Variants in ETNK2 observed in about 807,000 individuals in gnomAD.
ETNK2 encodes the protein ethanolamine kinase-like protein.
In ETNK2, 33 loss-of-function variants were observed where a neutral mutation model predicts 46.2. That is an observed-to-expected ratio of 0.71 (90% CI 0.54 to 0.96). The LOEUF (loss-of-function observed/expected upper bound fraction) is 0.96. ETNK2 is among the 40% of genes least tolerant of loss of function. The pLI is 0.00. For synonymous variants in ETNK2, 194 were observed against 209.0 expected, an observed-to-expected ratio of 0.93 and a Z score of 0.62; for missense variants, 445 against 509.7, an observed-to-expected ratio of 0.87 and a Z score of 1.22.
At chr1:204,141,073 G>T in intron 4 of ETNK2, 1 of 593,122 alleles carries the variant, frequency 1.7e-6, no homozygotes. Context: ...CAATCCACAT[G>T]CCTTGGCCTC....
At chr1:204,146,370 T>C in intron 3 of ETNK2, among the ~76,000 whole-genome samples, 1 of 152,010 alleles carries the variant, frequency 6.6e-6, no homozygotes, top group South Asian at 2.1e-4. Context: ...TGGGGAAATG[T>C]CCCCAACCCT....
intron 6 of ETNK2, among the ~76,000 whole-genome samples, chr1:204,135,860 CT>C (rs778447322): frequency 3.3e-5 from 5 of 152,218 alleles, no homozygotes; most frequent in Non-Finnish European, 5.9e-5. Context: ...GACTTGTCTT[CT>C]TACTTCTGCA....
chr1:204,143,411 A>G (rs1657640925), intron 3 of ETNK2, among the ~76,000 whole-genome samples: 1 of 151,224 alleles, frequency 6.6e-6, no homozygotes, highest in East Asian at 1.9e-4. Flanking sequence ...TGTGGGAACA[A>G]TCCCAGCCTT....
intron 5 of ETNK2, among the ~76,000 whole-genome samples, chr1:204,137,657 C>A (rs1409479124): frequency 6.6e-6 from 1 of 152,154 alleles, no homozygotes; most frequent in Non-Finnish European, 1.5e-5. Context: ...ACCTTGTTAG[C>A]CTTAAGGGAA....
At chr1:204,145,475 T>C (rs916473414) in intron 3 of ETNK2, among the ~76,000 whole-genome samples, 7 of 152,258 alleles carry the variant, frequency 4.6e-5, no homozygotes, top group Admixed American at 4.6e-4. Context: ...AAGGACCTGT[T>C]CTCTACAAAC....
At chr1:204,140,144 G>C in intron 4 of ETNK2, 26 bp from the exon 5 acceptor site, 1 of 1,598,140 alleles carries the variant, frequency 6.3e-7, no homozygotes, top group Non-Finnish European at 8.6e-7. Flanking sequence ...GAATCGATGA[G>C]AGTTGGCCCA....
chr1:204,132,721 C>T (rs1289467589), intron 7 of ETNK2, among the ~76,000 whole-genome samples: 1 of 151,566 alleles, frequency 6.6e-6, no homozygotes, highest in African/African-American at 2.4e-5. Flanking sequence ...GCATGAGCCA[C>T]CGTGCCCAGC....
Position 204,137,387 on chromosome 1 carries a change from G to A in ETNK2, c.869-138C>T, listed in dbSNP as rs537270954. 59 of 1,103,920 alleles carry A rather than the reference G, an allele frequency of 5.3e-5. 1 individual carries two copies. Among genetic ancestry groups the A allele is most frequent in the East Asian group, 7.9e-5 (3 of 37,872 alleles). The allele number at this position is 1,103,920 out of a possible 1,614,324, so 68.4% of individuals were successfully genotyped here. A position where few individuals can be genotyped will look rare whatever the true frequency, so the allele number is the denominator to read the frequency against. On this transcript the variant is annotated intron_variant, in intron 5 of 7. Coordinates refer to ENST00000367202, the MANE Select transcript of ETNK2 (RefSeq NM_018208.4). ...GGGGCTGTGCCCAAGGAGGCGGCCC[G>A]AGAAGGCAGCTTCTTTGATTACTAA...
intron 5 of ETNK2, among the ~76,000 whole-genome samples, chr1:204,137,913 A>G (rs1337253183): frequency 6.6e-6 from 1 of 152,020 alleles, no homozygotes; most frequent in East Asian, 1.9e-4. Context: ...GCCCAGTACC[A>G]CCAGCCTCAT....
intron 3 of ETNK2, among the ~76,000 whole-genome samples, chr1:204,145,778 C>T (rs577884631): frequency 2.6e-5 from 4 of 152,290 alleles, no homozygotes; most frequent in South Asian, 2.1e-4. Flanking sequence ...ATTTGGAACA[C>T]GGGTGATAGC....
At position 204,149,978 on chromosome 1, in the gene ETNK2, G is replaced by A; in HGVS notation, c.259-16C>T. 2 of 1,343,262 alleles carry A rather than the reference G, an allele frequency of 1.5e-6. No homozygotes were observed. Among genetic ancestry groups the A allele is most frequent in the East Asian group, 3.3e-5 (1 of 30,192 alleles). 83.2% of individuals were successfully genotyped at this position (1,343,262 alleles called of 1,614,324 possible). A position where few individuals can be genotyped will look rare whatever the true frequency, so the allele number is the denominator to read the frequency against. ...CCGTGAAGCGCTAGCATGGGGAGAG[G>A]ACAGTGCGTGGGTGGGTGGGTGGGG... On this transcript the variant is annotated splice_polypyrimidine_tract_variant and intron_variant, in intron 1 of 7. Transcript: ENST00000367202.
Position 204,151,882 on chromosome 1 carries a change from GGCA to G in ETNK2, c.-33_-31del. 1 of 1,416,556 alleles carries G rather than the reference GGCA, an allele frequency of 7.1e-7. No individual in the cohort carries two copies. Among genetic ancestry groups the G allele is most frequent in the Non-Finnish European group, 9.2e-7 (1 of 1,091,566 alleles). 87.7% of individuals were successfully genotyped at this position (1,416,556 alleles called of 1,614,324 possible). The stretch of plus-strand genomic sequence containing the variant: ...AGCAGCCCCACCCCCTCGGAGCCGC[GGCA>G]GACGCTAGCCCCGGCGGGGGGGTCC... On this transcript the variant is annotated 5_prime_UTR_variant, in exon 1 of 8. Transcript: ENST00000367202. The surrounding 1 kb of genome is among the most constrained non-coding windows in gnomAD (Gnocchi z 8.0).
chr1:204,139,306 T>G (rs1472685551), intron 5 of ETNK2, among the ~76,000 whole-genome samples: 1 of 152,192 alleles, frequency 6.6e-6, no homozygotes, highest in African/African-American at 2.4e-5. Context: ...TAAAGGAGCT[T>G]GGACAAAGGA....
rs771663723 is a variant in ETNK2, at chr1:204,131,844, C to T, written c.*340G>A. ...TCCCCAGGCCAGGAAGGGGTAAACA[C>T]ACATATAAGGCAGCCCCAATTCCAG... On this transcript the variant is annotated 3_prime_UTR_variant, in exon 8 of 8. Coordinates refer to ENST00000367202, the MANE Select transcript of ETNK2 (RefSeq NM_018208.4). This position sits in a 1 kb window ranked among gnomAD's most constrained non-coding sequence, Gnocchi z 4.3. 39 of 310,696 alleles carry T rather than the reference C, an allele frequency of 1.3e-4. No homozygotes were observed. The highest frequency in any genetic ancestry group is 2.9e-4 in the Admixed American group (7 of 24,506). 19.2% of individuals were successfully genotyped at this position (310,696 alleles called of 1,614,324 possible).
chr1:204,137,321 T>C (rs1657329419), intron 5 of ETNK2, 72 bp from the exon 6 acceptor site: 2 of 1,533,496 alleles, frequency 1.3e-6, no homozygotes, highest in Admixed American at 1.9e-5. Context: ...GCTCAGTAGG[T>C]GTTCCCATCT....
intron 2 of ETNK2, among the ~76,000 whole-genome samples, chr1:204,148,166 C>A (rs1265818759): frequency 1.3e-5 from 2 of 152,094 alleles, no homozygotes; most frequent in East Asian, 3.9e-4. Flanking sequence ...CACCTTCACC[C>A]AGAGGGATGA....
At chr1:204,138,497 G>C (rs944997736) in intron 5 of ETNK2, 1 of 152,476 alleles carries the variant, frequency 6.6e-6, no homozygotes, top group African/African-American at 2.4e-5. Context: ...GGCCCTGCCA[G>C]TGCCAGCCTC....
rs1489747127 is a variant in ETNK2, at chr1:204,141,370, C to A, written c.729G>T (p.Val243=). ...AGAGCAGGTCATTGTGACAAAACAC[C>A]ACAGGGGACTCCAGCTGGGACAGAT... ...KEHLSQLESP[V]VFCHNDLLCK... Residue 243 remains valine, a synonymous_variant, in exon 4 of 8, where the codon GTG becomes GTT. Transcript: ENST00000367202. The A allele has an allele frequency of 6.2e-7, 1 of 1,613,972 alleles. No individual in the cohort carries two copies. Among genetic ancestry groups the A allele is most frequent in the Non-Finnish European group, 8.5e-7 (1 of 1,179,888 alleles).
chr1:204,137,055 C>T (rs1423922416), intron 6 of ETNK2, 49 bp downstream of exon 6: 3 of 1,602,860 alleles, frequency 1.9e-6, no homozygotes, highest in African/African-American at 2.7e-5. Context: ...ACCAGTCCCT[C>T]CTGCTAACTC....
Sources: allele counts gnomAD v4.1 joint callset (sites outside exome capture counted in the v4.1 genomes callset), GRCh38; gene constraint gnomAD v4.1.1; non-coding constraint Gnocchi (gnomAD v3.1); transcripts MANE v1.5; gene names NCBI Gene and HGNC (gene_info 2026-07-23, HGNC 2026-07-21).